The following LRRC37A2 variants were observed in gnomAD, a reference collection of about 807,000 sequenced individuals.
LRRC37A2 encodes leucine-rich repeat-containing protein 37A2.
In LRRC37A2, 9 loss-of-function variants were observed where a neutral mutation model predicts 68.8. The observed-to-expected ratio is 0.13, with a 90% CI of 0.08 to 0.23. The LOEUF (loss-of-function observed/expected upper bound fraction) is 0.23, where lower values mean the gene tolerates loss of function less well. Among genes scored for constraint, LRRC37A2 ranks in the 10% least tolerant of loss-of-function variants. The pLI, the probability that LRRC37A2 is intolerant of heterozygous loss-of-function variation, is 1.00. For missense variants in LRRC37A2, 168 were observed against 950.4 expected (o/e 0.18, Z 10.82); for synonymous variants, 63 against 367.6 (o/e 0.17, Z 9.48).
At chr17:46,836,806 GCTTAGTAA>G in the LRRC37A2 span, among the ~76,000 whole-genome samples, 1 of 152,180 alleles carries the variant, frequency 6.6e-6, no homozygotes. Flanking sequence ...CAAGTATGCT[GCTTAGTAA>G]CTCCCTGGAA....
the LRRC37A2 span, among the ~76,000 whole-genome samples, chr17:47,009,272 C>T: frequency 6.6e-6 from 1 of 152,168 alleles, no homozygotes; most frequent in Non-Finnish European, 1.5e-5. Context: ...CTAGAATATA[C>T]TTTATTTAAC....
chr17:46,494,028 A>G, the LRRC37A2 span, among the ~76,000 whole-genome samples: 19 of 150,034 alleles, frequency 1.3e-4, no homozygotes, highest in Admixed American at 7.3e-4. Context: ...TATTTTTAAT[A>G]GAGATGGGGT....
the LRRC37A2 span, chr17:46,923,497 T>G: frequency 7.2e-7 from 1 of 1,382,282 alleles, no homozygotes; most frequent in Non-Finnish European, 9.3e-7. Flanking sequence ...GACGGGAAAC[T>G]GGCACCTGCA....
chr17:47,045,348 CATA>C, the LRRC37A2 span, among the ~76,000 whole-genome samples: 1 of 149,674 alleles, frequency 6.7e-6, no homozygotes, highest in Admixed American at 6.7e-5. Flanking sequence ...ACCTCTGCAA[CATA>C]ATAATTATAG....
chr17:46,990,972 C>T, the LRRC37A2 span, among the ~76,000 whole-genome samples: 2 of 152,186 alleles, frequency 1.3e-5, no homozygotes, highest in Non-Finnish European at 2.9e-5. Context: ...CACCTGGCCA[C>T]AGACTGCTTT....
chr17:46,771,723 G>A, the LRRC37A2 span, among the ~76,000 whole-genome samples: 1 of 141,586 alleles, frequency 7.1e-6, no homozygotes, highest in Non-Finnish European at 1.6e-5. Context: ...CCCCGGCGCC[G>A]GGCCGCGAAA....
chr17:46,935,291 G>C, the LRRC37A2 span: 1 of 1,571,064 alleles, frequency 6.4e-7, no homozygotes, highest in Non-Finnish European at 8.6e-7. Context: ...TGACAAGACA[G>C]AGCCCTTGAG....
At chr17:46,840,292 T>C in the LRRC37A2 span, among the ~76,000 whole-genome samples, 16 of 152,120 alleles carry the variant, frequency 1.1e-4, no homozygotes, top group Non-Finnish European at 2.2e-4. Flanking sequence ...TTCACCGTGT[T>C]AGCCAGGATG....
chr17:47,007,147 G>A, the LRRC37A2 span, among the ~76,000 whole-genome samples: 687 of 152,238 alleles, frequency 4.5e-3, 9 homozygotes, highest in African/African-American at 0.016. Context: ...CTTTGAGGCT[G>A]AAGCAAATCT....
chr17:46,964,887 G>A, the LRRC37A2 span: 1 of 152,230 alleles, frequency 6.6e-6, no homozygotes, highest in Admixed American at 6.5e-5. Context: ...GCCCTGATGG[G>A]AAGGTCTGTG....
chr17:46,496,627 A>G, the LRRC37A2 span, among the ~76,000 whole-genome samples: 1 of 91,902 alleles, frequency 1.1e-5, no homozygotes, highest in Non-Finnish European at 2.5e-5. Flanking sequence ...AAAACAAAAC[A>G]AAACAGGCCT....
chr17:46,822,153 T>C, the LRRC37A2 span, among the ~76,000 whole-genome samples: 3 of 152,230 alleles, frequency 2.0e-5, no homozygotes, highest in East Asian at 3.9e-4. Context: ...AGGGAGCACA[T>C]AGGGGGCTCC....
At chr17:46,901,663 G>A in the LRRC37A2 span, among the ~76,000 whole-genome samples, 2 of 152,216 alleles carry the variant, frequency 1.3e-5, no homozygotes, top group East Asian at 3.8e-4. Context: ...AGAAGCTGAA[G>A]AGAACATCAG....
At chr17:46,771,462 G>A in the LRRC37A2 span, among the ~76,000 whole-genome samples, 8 of 149,808 alleles carry the variant, frequency 5.3e-5, no homozygotes, top group East Asian at 2.0e-4. Flanking sequence ...CCCGGGCCCC[G>A]GGCCGCGCTG....
At chr17:46,557,045 C>G (rs1401539342), downstream of LRRC37A2, 1 of 419,184 alleles carries the variant, frequency 2.4e-6, no homozygotes, top group Non-Finnish European at 4.1e-6. Flanking sequence ...TACCCCCTAA[C>G]CTAAAAGAAA....
At chr17:46,460,818 C>T in the LRRC37A2 span, among the ~76,000 whole-genome samples, 1 of 99,402 alleles carries the variant, frequency 1.0e-5, no homozygotes, top group South Asian at 4.6e-4. Context: ...GAGAGAATAC[C>T]GTTTAAAGGT....
the LRRC37A2 span, among the ~76,000 whole-genome samples, chr17:46,863,108 G>T: frequency 2.4e-4 from 6 of 25,118 alleles, no homozygotes; most frequent in East Asian, 7.0e-3. Context: ...TCAGTCGTGG[G>T]CTAGGGAGGG....
chr17:46,610,041 C>CTCTCTTT, the LRRC37A2 span, among the ~76,000 whole-genome samples: 2 of 118,656 alleles, frequency 1.7e-5, no homozygotes, highest in Non-Finnish European at 3.7e-5. Context: ...CTCTCTCTCT[C>CTCTCTTT]TCTTTCTTTC....
the LRRC37A2 span, chr17:46,714,006 AT>A: frequency 5.6e-6 from 9 of 1,596,018 alleles, no homozygotes; most frequent in Non-Finnish European, 7.7e-6. Context: ...TTTTACTTTC[AT>A]TTTAATTTCC....
Sources: allele counts gnomAD v4.1 joint callset (sites outside exome capture counted in the v4.1 genomes callset), GRCh38; gene constraint gnomAD v4.1.1; transcripts MANE v1.5; gene names NCBI Gene and HGNC (gene_info 2026-07-23, HGNC 2026-07-21).